The following OR8J1 variants were observed in gnomAD, a reference collection of about 807,000 sequenced individuals.
OR8J1 encodes the protein olfactory receptor 8J1.
For missense variants in OR8J1, 400 were observed against 373.0 expected (o/e 1.07, Z -0.60); for synonymous variants, 157 against 144.3 (o/e 1.09, Z -0.63).
At position 56,360,787 on chromosome 11, in the gene OR8J1, A is replaced by G. The variant is rs1207598470; in HGVS notation, c.541A>G (p.Asn181Asp). The change falls in exon 2 of 2, where the codon AAT (asparagine) becomes GAT (aspartate). Residue 181 changes from asparagine to aspartate, a missense_variant. Asn to Asp is a conservative substitution (Grantham distance 23, BLOSUM62 1). Coordinates refer to ENST00000533152, the MANE Select transcript of OR8J1 (RefSeq NM_001005205.3). ...TATAATCAATCATTTTTACTGTGAT[A>G]ATGTTCCTCTGTTAGCATTATCTTG... ...SNIINHFYCD[N>D]VPLLALSCSD... 2 of 1,577,698 alleles carry G rather than the reference A, an allele frequency of 1.3e-6. No individual in the cohort carries two copies. Among genetic ancestry groups the G allele is most frequent in the Non-Finnish European group, 1.7e-6 (2 of 1,167,120 alleles).
At chr11:56,355,058 T>C (rs1052171065) in intron 1 of OR8J1, among the ~76,000 whole-genome samples, 7 of 151,950 alleles carry the variant, frequency 4.6e-5, no homozygotes, top group African/African-American at 1.7e-4. Flanking sequence ...CTCTATAACA[T>C]TATCAAGAGG....
intron 1 of OR8J1, among the ~76,000 whole-genome samples, chr11:56,354,553 C>A (rs1478839357): frequency 1.3e-5 from 2 of 152,122 alleles, no homozygotes; most frequent in East Asian, 3.9e-4. Context: ...GAAATGGCAT[C>A]ATTATGTCTC....
At position 56,360,385 on chromosome 11, in the gene OR8J1, A is replaced by G; in HGVS notation, c.139A>G (p.Thr47Ala). 1 of 1,614,004 alleles carries G rather than the reference A, an allele frequency of 6.2e-7. No individual in the cohort carries two copies. ...CATGGCAGGGAACCTGGGCATCATC[A>G]CCCTCACCAGTGTTGACTCTCGACT... ...LTMAGNLGII[T>A]LTSVDSRLQT... Residue 47 changes from threonine (T) to alanine (A), a missense_variant, in exon 2 of 2, where the codon ACC (threonine) becomes GCC (alanine). Thr to Ala is a moderately conservative substitution (Grantham distance 58). Coordinates refer to ENST00000533152, the MANE Select transcript of OR8J1 (RefSeq NM_001005205.3).
chr11:56,360,892 G>A lies in OR8J1; in HGVS notation c.646G>A (p.Val216Ile), dbSNP rs780756932. 14 of 1,491,234 alleles carry A rather than the reference G, an allele frequency of 9.4e-6. No homozygotes were observed. In the South Asian group the frequency reaches 1.6e-4, roughly 17 times the overall value. The allele number at this position is 1,491,234 out of a possible 1,614,324, so 92.4% of individuals were successfully genotyped here. A position where few individuals can be genotyped will look rare whatever the true frequency, so the allele number is the denominator to read the frequency against. The change falls in exon 2 of 2, where the codon GTA (valine) becomes ATA (isoleucine). Residue 216 changes from valine to isoleucine, a missense_variant. Coordinates refer to ENST00000533152, the MANE Select transcript of OR8J1 (RefSeq NM_001005205.3). Reference protein sequence around the residue: ...NVVGSLIIVLVSYFNIVLSIL... With the variant: ...NVVGSLIIVLISYFNIVLSIL... ...GGTTGGTTCCTTGATTATAGTTCTAGTATCTTATTTCAATATTGTTTTGTC... is the reference window on the plus strand; with the variant it reads ...GGTTGGTTCCTTGATTATAGTTCTAATATCTTATTTCAATATTGTTTTGTC...
At position 56,361,059 on chromosome 11, in the gene OR8J1, T is replaced by G; in HGVS notation, c.813T>G (p.Asp271Glu). ...GAAGTAACCATTCACTGGATACTGA[T>G]GATAAGATGGCTTCTGTGTTTTACA... Reference protein sequence around the residue: ...QPRSNHSLDTDDKMASVFYTL... With the variant: ...QPRSNHSLDTEDKMASVFYTL... Residue 271 changes from aspartate to glutamate, a missense_variant, in exon 2 of 2, where the codon GAT becomes GAG. Coordinates refer to ENST00000533152, the MANE Select transcript of OR8J1 (RefSeq NM_001005205.3). 6.6e-7 allele frequency: 1 copy of G among 1,506,848 alleles called. No individual in the cohort carries two copies. The highest frequency in any genetic ancestry group is 1.4e-5 in the South Asian group (1 of 69,076). The allele number at this position is 1,506,848 out of a possible 1,614,324, so 93.3% of individuals were successfully genotyped here.
chr11:56,360,803 C>G lies in OR8J1; in HGVS notation c.557C>G (p.Ala186Gly). 6.4e-7 allele frequency: 1 copy of G among 1,565,374 alleles called. No homozygotes were observed. Among genetic ancestry groups the G allele is most frequent in the Non-Finnish European group, 8.6e-7 (1 of 1,161,862 alleles). ...HFYCDNVPLLALSCSDTYLPE... is the reference protein window; with the variant it reads ...HFYCDNVPLLGLSCSDTYLPE... ...TACTGTGATAATGTTCCTCTGTTAG[C>G]ATTATCTTGCTCTGATACTTACTTA... Residue 186 changes from alanine to glycine, a missense_variant, in exon 2 of 2, where the codon GCA (alanine) becomes GGA (glycine). Coordinates refer to ENST00000533152, the MANE Select transcript of OR8J1 (RefSeq NM_001005205.3).
Position 56,360,971 on chromosome 11 carries a change from C to T in OR8J1, c.725C>T (p.Ala242Val). 1 of 1,477,482 alleles carries T rather than the reference C, an allele frequency of 6.8e-7. No homozygotes were observed. The highest frequency in any genetic ancestry group is 2.6e-5 in the Admixed American group (1 of 38,774). The allele number at this position is 1,477,482 out of a possible 1,614,324, so 91.5% of individuals were successfully genotyped here. A position where few individuals can be genotyped will look rare whatever the true frequency, so the allele number is the denominator to read the frequency against. ...EGRKKAFSTC[A>V]SHMMAVTIFY... ...AGGAAAAAAGCCTTTTCTACCTGTG[C>T]TTCACATATGATGGCAGTCACAATT... Residue 242 changes from alanine to valine, a missense_variant, in exon 2 of 2, where the codon GCT (alanine) becomes GTT (valine). Coordinates refer to ENST00000533152, the MANE Select transcript of OR8J1 (RefSeq NM_001005205.3).
chr11:56,357,859 A>T (rs1202895210), intron 1 of OR8J1: 1 of 918,822 alleles, frequency 1.1e-6, no homozygotes, highest in Non-Finnish European at 1.8e-6. Flanking sequence ...AGTACCAAAC[A>T]ATTCCCTGAT....
rs771388497 is a variant in OR8J1, at chr11:56,361,166, C to CT, written c.920_921insT (p.Asn308LysfsTer7). Reference sequence around the variant, plus strand: ...AAGACTGCTCTACAGAGATTCATGACAAATCTGTGCTATTCCTTTAAAACA... The same window carrying CT: ...AAGACTGCTCTACAGAGATTCATGACTAAATCTGTGCTATTCCTTTAAAACA... On this transcript the variant is annotated frameshift_variant, in exon 2 of 2. Transcript: ENST00000533152. LOFTEE classifies it low-confidence loss of function (END_TRUNC). 16 of 1,389,964 alleles carry CT rather than the reference C, an allele frequency of 1.2e-5. No individual in the cohort carries two copies. The highest frequency in any genetic ancestry group is 1.3e-5 in the Non-Finnish European group (14 of 1,067,020). The allele number at this position is 1,389,964 out of a possible 1,614,324, so 86.1% of individuals were successfully genotyped here.
intron 1 of OR8J1, chr11:56,357,742 G>A (rs2134913281): frequency 6.4e-7 from 1 of 1,569,618 alleles, no homozygotes; most frequent in East Asian, 2.2e-5. Context: ...GGTCAGCCAG[G>A]TGCCTTTACC....
intron 1 of OR8J1, among the ~76,000 whole-genome samples, chr11:56,359,123 C>T (rs1433662913): frequency 6.6e-6 from 1 of 151,880 alleles, no homozygotes; most frequent in Non-Finnish European, 1.5e-5. Flanking sequence ...AAATAAGTGA[C>T]TATGACAGGA....
rs932991947 is a variant in OR8J1 at position 56,360,802 on chromosome 11, G to A, written c.556G>A (p.Ala186Thr). Residue 186 changes from alanine (A) to threonine (T), a missense_variant, in exon 2 of 2, where the codon GCA becomes ACA. Coordinates refer to ENST00000533152, the MANE Select transcript of OR8J1 (RefSeq NM_001005205.3). ...TTACTGTGATAATGTTCCTCTGTTAGCATTATCTTGCTCTGATACTTACTT... is the reference window on the plus strand; with the variant it reads ...TTACTGTGATAATGTTCCTCTGTTAACATTATCTTGCTCTGATACTTACTT... ...HFYCDNVPLLALSCSDTYLPE... is the reference protein window; with the variant it reads ...HFYCDNVPLLTLSCSDTYLPE... The A allele has an allele frequency of 6.4e-7, 1 of 1,563,966 alleles. No homozygotes were observed. The highest frequency in any genetic ancestry group is 8.6e-7 in the Non-Finnish European group (1 of 1,161,150).
intron 1 of OR8J1, chr11:56,357,278 G>T (rs777796116): frequency 2.3e-6 from 1 of 431,142 alleles, no homozygotes; most frequent in Non-Finnish European, 4.2e-6. Flanking sequence ...TTCAAGGCCT[G>T]CAGGTCTCTG....
chr11:56,358,745 A>T lies in OR8J1; in HGVS notation c.-20-1482A>T, dbSNP rs76901238. On this transcript the variant is annotated intron_variant, in intron 1 of 1. Coordinates refer to ENST00000533152, the MANE Select transcript of OR8J1 (RefSeq NM_001005205.3). ...CTACATTTCTTTACCAGATTTTTGT[A>T]TGTTTCCTTTCATTGGAATAGTAGG... Among the ~76,000 whole-genome samples, 1,149 of 152,238 alleles carry T rather than the reference A, an allele frequency of 7.5e-3. 8 individuals are homozygous for T. The highest frequency in any genetic ancestry group is 0.026 in the African/African-American group (1,094 of 41,546).
intron 1 of OR8J1, chr11:56,357,330 T>C (rs1327282832): frequency 4.9e-6 from 3 of 607,904 alleles, no homozygotes; most frequent in Non-Finnish European, 8.9e-6. Context: ...GGACGGAGTT[T>C]GTTAAAGTTG....
rs1465161223 is a variant in OR8J1 at position 56,361,181 on chromosome 11, C to G, written c.935C>G (p.Ser312Cys). Residue 312 changes from serine (S) to cysteine (C), a missense_variant, in exon 2 of 2, where the codon TCC becomes TGC. Transcript: ENST00000533152. ...LQRFMTNLCY[S>C]FKTM ...AGATTCATGACAAATCTGTGCTATT[C>G]CTTTAAAACAATGTAATTTTAAACA... The G allele has an allele frequency of 7.5e-7, 1 of 1,332,372 alleles. No homozygotes were observed. The highest frequency in any genetic ancestry group is 9.7e-7 in the Non-Finnish European group (1 of 1,026,520). The allele number at this position is 1,332,372 out of a possible 1,614,324, so 82.5% of individuals were successfully genotyped here.
At chr11:56,359,134 T>C (rs1200365460) in intron 1 of OR8J1, among the ~76,000 whole-genome samples, 2 of 152,110 alleles carry the variant, frequency 1.3e-5, no homozygotes, top group Non-Finnish European at 2.9e-5. Flanking sequence ...TATGACAGGA[T>C]TTCTTTGGGC....
chr11:56,357,554 G>A (rs931237488), intron 1 of OR8J1: 79 of 890,142 alleles, frequency 8.9e-5, no homozygotes, highest in African/African-American at 6.7e-4. Flanking sequence ...TAGTCCGCGC[G>A]GCACATGCAC....
At chr11:56,356,315 A>C (rs929569844) in intron 1 of OR8J1, among the ~76,000 whole-genome samples, 1 of 152,238 alleles carries the variant, frequency 6.6e-6, no homozygotes, top group African/African-American at 2.4e-5. Context: ...AAATCATAGG[A>C]TGAATATGAC....
Sources: gnomAD v4.1 joint callset for allele counts (sites outside exome capture counted in the v4.1 genomes callset) on GRCh38, gnomAD v4.1.1 for gene constraint, MANE v1.5 for transcripts, NCBI Gene and HGNC (gene_info 2026-07-23, HGNC 2026-07-21) for gene names.